PCDHA4: variants seen among roughly 807,000 people sequenced by gnomAD.
The protein encoded by PCDHA4 is protocadherin alpha-4.
In PCDHA4, 49 loss-of-function variants were observed where a neutral mutation model predicts 61.4. The observed-to-expected ratio is 0.80, with a 90% CI of 0.63 to 1.01. PCDHA4 has a LOEUF of 1.01. PCDHA4 is among the 50% of genes least tolerant of loss of function. The probability of loss-of-function intolerance (pLI) is 0.00; values close to 1 mark genes in which losing one functional copy is unlikely to be tolerated. For synonymous variants in PCDHA4, 590 were observed against 550.3 expected, an observed-to-expected ratio of 1.07 and a Z score of -1.01; for missense variants, 1,254 against 1,235.8, an observed-to-expected ratio of 1.01 and a Z score of -0.22.
rs141467715 is a variant in PCDHA4 at position 140,882,439 on chromosome 5, G to A, written c.2385+72867G>A. 19 of 1,613,928 alleles carry A rather than the reference G, an allele frequency of 1.2e-5. No individual in the cohort carries two copies. The African/African-American group carries it at 1.5e-4, about 12-fold the overall frequency. ...CTCAGGACCTGGGGCTGGAGCTGGC[G>A]GAGCTGGTGCCGCGCCTGTTCCGGG... is the stretch of plus-strand genomic sequence containing the variant. On this transcript the variant is annotated intron_variant, in intron 1 of 3. Transcript: ENST00000530339.
chr5:140,818,355 G>A (rs1231484371), intron 1 of PCDHA4, among the ~76,000 whole-genome samples: 1 of 152,112 alleles, frequency 6.6e-6, no homozygotes, highest in South Asian at 2.1e-4. Context: ...CAAAGTCATT[G>A]ATTGAATTCT....
chr5:141,009,878 A>G lies in PCDHA4; in HGVS notation c.2785A>G (p.Asn929Asp). Residue 929 changes from asparagine to aspartate, a missense_variant, in exon 4 of 4, where the codon AAC (asparagine) becomes GAC (aspartate). Coordinates refer to ENST00000530339, the MANE Select transcript of PCDHA4 (RefSeq NM_018907.4). ...TKKKKKKKKG[N>D]KTQEKKEKGN... ...GAAAAAGAAGAAAAAGAAGAAGGGT[A>G]ACAAGACCCAGGAGAAAAAAGAGAA... is the stretch of plus-strand genomic sequence containing the variant. 4 of 1,613,898 alleles carry G rather than the reference A, an allele frequency of 2.5e-6. No homozygotes were observed. Among genetic ancestry groups the G allele is most frequent in the South Asian group, 1.1e-5 (1 of 91,050 alleles).
chr5:141,000,361 GTCTCTCTCTC>G lies in PCDHA4; in HGVS notation c.2534-9240_2534-9231del, dbSNP rs148596731. Reference sequence around the variant, plus strand: ...CCTATCTCTCTCTCTGTCTCTCTCTGTCTCTCTCTCTCTCTCTCTCTCTCTCTCTCTCTCT... The same window carrying G: ...CCTATCTCTCTCTCTGTCTCTCTCTGTCTCTCTCTCTCTCTCTCTCTCTCT... On this transcript the variant is annotated intron_variant, in intron 3 of 3. Transcript: ENST00000530339. 0.019 allele frequency among the ~76,000 whole-genome samples: 511 copies of G among 26,396 alleles called. 13 individuals carry two copies. In the Middle Eastern group the frequency reaches 0.2, roughly 10 times the overall value. The allele number at this position is 26,396 out of a possible 152,430, so 17.3% of individuals were successfully genotyped here.
At chr5:140,884,688 C>T in intron 1 of PCDHA4, 1 of 1,535,868 alleles carries the variant, frequency 6.5e-7, no homozygotes, top group Non-Finnish European at 8.8e-7. Context: ...AAAAAATTGT[C>T]TTAGTAAACA....
chr5:140,859,471 T>TAG, intron 1 of PCDHA4: 1 of 211,266 alleles, frequency 4.7e-6, no homozygotes, highest in Non-Finnish European at 9.2e-6. Context: ...ACACTATCAA[T>TAG]TGTGTTTTCC....
At chr5:140,919,222 C>G (rs1367427149) in intron 1 of PCDHA4, among the ~76,000 whole-genome samples, 3 of 152,144 alleles carry the variant, frequency 2.0e-5, no homozygotes, top group African/African-American at 7.2e-5. Flanking sequence ...TTCTTGATTT[C>G]TAGTAACACT....
intron 1 of PCDHA4, chr5:140,824,158 C>G: frequency 6.2e-7 from 1 of 1,611,212 alleles, no homozygotes; most frequent in Non-Finnish European, 8.5e-7. Context: ...ATCCATCTTT[C>G]CCTCCCAATT....
At chr5:140,831,720 G>C (rs1771679681) in intron 1 of PCDHA4, among the ~76,000 whole-genome samples, 1 of 151,962 alleles carries the variant, frequency 6.6e-6, no homozygotes, top group Non-Finnish European at 1.5e-5. Context: ...GTGAGTTTTG[G>C]TGTTATCCTC....
intron 1 of PCDHA4, among the ~76,000 whole-genome samples, chr5:140,978,464 C>T (rs1281042342): frequency 5.3e-5 from 8 of 152,226 alleles, no homozygotes; most frequent in Non-Finnish European, 2.9e-5. Flanking sequence ...CGCCCTGGGT[C>T]AAATATGCTG....
chr5:140,838,659 G>T (rs2150291095), intron 1 of PCDHA4, among the ~76,000 whole-genome samples: 1 of 152,070 alleles, frequency 6.6e-6, no homozygotes, highest in South Asian at 2.1e-4. Context: ...TAGTTAACGG[G>T]GCATGGTGGC....
At chr5:140,973,375 C>A (rs2096584404) in intron 1 of PCDHA4, among the ~76,000 whole-genome samples, 1 of 152,182 alleles carries the variant, frequency 6.6e-6, no homozygotes, top group Admixed American at 6.5e-5. Context: ...GCACAATGGT[C>A]AGAATAGACA....
At chr5:140,879,335 C>T (rs1388490473) in intron 1 of PCDHA4, among the ~76,000 whole-genome samples, 1 of 152,072 alleles carries the variant, frequency 6.6e-6, no homozygotes, top group Non-Finnish European at 1.5e-5. Context: ...TTAGTTTGTT[C>T]AGCTGAGAAG....
In PCDHA4 at chr5:140,961,136, G is replaced by A. The variant is rs1474839905; in HGVS notation, c.2386-17813G>A. On this transcript the variant is annotated intron_variant, in intron 1 of 3. Coordinates refer to ENST00000530339, the MANE Select transcript of PCDHA4 (RefSeq NM_018907.4). ...TGCATCTTAATGTCTTGGCACTTAA[G>A]AGTTGGCATATTATTTCAGTACATA... is the stretch of plus-strand genomic sequence containing the variant. Among the ~76,000 whole-genome samples the A allele has an allele frequency of 3.9e-5, 6 of 152,270 alleles. No homozygotes were observed. The East Asian group carries it at 1.2e-3, about 29-fold the overall frequency.
chr5:140,829,585 G>T (rs2150170592), intron 1 of PCDHA4: 20 of 1,612,244 alleles, frequency 1.2e-5, no homozygotes, highest in Non-Finnish European at 1.6e-5. Context: ...TGGAGCGGCG[G>T]GTGGGCGAGC....
Position 140,843,346 on chromosome 5 carries a change from TC to T in PCDHA4, c.2385+33776del, listed in dbSNP as rs1554139985. 10 of 1,595,966 alleles carry T rather than the reference TC, an allele frequency of 6.3e-6. 1 individual carries two copies. In the Middle Eastern group the frequency reaches 5.0e-4, roughly 80 times the overall value. On this transcript the variant is annotated intron_variant, in intron 1 of 3. Coordinates refer to ENST00000530339, the MANE Select transcript of PCDHA4 (RefSeq NM_018907.4). ...TGTCGCTGGTGGAGAGCGGCCAGGC[TC>T]CAAAAGCGTCATCGAGGCAGTCGGC... is the stretch of plus-strand genomic sequence containing the variant.
chr5:140,900,178 T>C (rs972449455), intron 1 of PCDHA4, among the ~76,000 whole-genome samples: 2 of 152,238 alleles, frequency 1.3e-5, no homozygotes, highest in African/African-American at 2.4e-5. Context: ...GCCTGGTTTA[T>C]GTCACTTATA....
intron 3 of PCDHA4, among the ~76,000 whole-genome samples, chr5:141,002,749 A>G (rs2098093412): frequency 1.3e-5 from 2 of 152,202 alleles, no homozygotes; most frequent in South Asian, 4.1e-4. Flanking sequence ...TACATCGACA[A>G]CCCTGTGATG....
At chr5:140,811,875 G>A (rs2126632591) in intron 1 of PCDHA4, 88,460 of 151,964 alleles carry the variant, frequency 0.58, 26,461 homozygotes, top group African/African-American at 0.72. Flanking sequence ...AATGTGTTTA[G>A]GTTCTTTGTA....
intron 1 of PCDHA4, chr5:140,853,583 T>G: frequency 1.0e-6 from 1 of 985,318 alleles, no homozygotes; most frequent in Non-Finnish European, 1.2e-6. Context: ...CCCAATATCT[T>G]AGACACTTTG....
Sources: gnomAD v4.1 joint callset for allele counts (sites outside exome capture counted in the v4.1 genomes callset) on GRCh38, gnomAD v4.1.1 for gene constraint, MANE v1.5 for transcripts, NCBI Gene and HGNC (gene_info 2026-07-23, HGNC 2026-07-21) for gene names.